Variants in MYO16 observed in about 807,000 individuals in gnomAD.
MYO16 encodes the protein unconventional myosin-XVI.
In MYO16, 94 loss-of-function variants were observed where a neutral mutation model predicts 205.3. That is an observed-to-expected ratio of 0.46 (90% CI 0.39 to 0.54). The LOEUF is 0.54. Among genes scored for constraint, MYO16 ranks in the 20% least tolerant of loss-of-function variants. MYO16 has a pLI of 0.00. For missense variants in MYO16, 2,315 were observed against 2,387.5 expected (o/e 0.97, Z 0.63); for synonymous variants, 988 against 954.0 (o/e 1.04, Z -0.66).
intron 23 of MYO16, among the ~76,000 whole-genome samples, chr13:109,040,416 A>AGAGAGAGAGAG (rs375579978): frequency 1.1e-4 from 16 of 149,680 alleles, no homozygotes; most frequent in South Asian, 2.1e-4. Context: ...AGAGAGAGAG[A>AGAGAGAGAGAG]AAATTAAAAA....
At chr13:108,766,554 T>C (rs919441078) in intron 4 of MYO16, among the ~76,000 whole-genome samples, 1 of 152,218 alleles carries the variant, frequency 6.6e-6, no homozygotes, top group Non-Finnish European at 1.5e-5. Flanking sequence ...GCTTTTGGAA[T>C]GACCCTTATA....
At chr13:108,536,308 G>T in the MYO16 span, among the ~76,000 whole-genome samples, 1 of 152,098 alleles carries the variant, frequency 6.6e-6, no homozygotes, top group Non-Finnish European at 1.5e-5. Context: ...ATTTAGTTTT[G>T]CAGTGACTAC....
chr13:108,858,408 C>T (rs1878299751), intron 11 of MYO16, among the ~76,000 whole-genome samples: 1 of 152,280 alleles, frequency 6.6e-6, no homozygotes, highest in East Asian at 1.9e-4. Context: ...GTCATTTGAG[C>T]TCTTCCAACC....
intron 4 of MYO16, among the ~76,000 whole-genome samples, chr13:108,746,186 C>G (rs2139624038): frequency 6.6e-6 from 1 of 151,910 alleles, no homozygotes; most frequent in South Asian, 2.1e-4. Flanking sequence ...GAGCGAGACT[C>G]CATCTCAAAG....
chr13:109,173,681 G>A (rs758326497), intron 33 of MYO16, among the ~76,000 whole-genome samples: 45 of 151,938 alleles, frequency 3.0e-4, no homozygotes, highest in Non-Finnish European at 5.6e-4. Context: ...GGATTACAAG[G>A]TCAGGCGATC....
the MYO16 span, among the ~76,000 whole-genome samples, chr13:108,537,883 G>C: frequency 1.4e-4 from 22 of 151,840 alleles, no homozygotes. Flanking sequence ...TTGTTGAGTT[G>C]TTTAAATTCT....
chr13:108,653,756 T>C (rs1881115781), intron 1 of MYO16, among the ~76,000 whole-genome samples: 1 of 151,418 alleles, frequency 6.6e-6, no homozygotes, highest in Non-Finnish European at 1.5e-5. Flanking sequence ...TATATGCTTA[T>C]ATGCACACAC....
chr13:109,165,958 C>T (rs1258649884), intron 33 of MYO16, among the ~76,000 whole-genome samples: 1 of 152,142 alleles, frequency 6.6e-6, no homozygotes. Flanking sequence ...GTAACCAGGC[C>T]TACAGGTACC....
chr13:108,844,580 C>A, intron 10 of MYO16, 87 bp downstream of exon 10: 2 of 1,327,112 alleles, frequency 1.5e-6, no homozygotes, highest in Middle Eastern at 2.0e-4. Context: ...AAAACAAATG[C>A]GCACTAATTT....
At chr13:108,820,479 A>G in intron 8 of MYO16, 67 bp downstream of exon 8, 1 of 1,299,296 alleles carries the variant, frequency 7.7e-7, no homozygotes, top group Non-Finnish European at 1.1e-6. Context: ...TGGAGTAGCC[A>G]TCCATCTTCA....
At chr13:109,161,498 A>C (rs1878382734) in intron 32 of MYO16, among the ~76,000 whole-genome samples, 1 of 152,198 alleles carries the variant, frequency 6.6e-6, no homozygotes. Flanking sequence ...ACAACTCTCC[A>C]GAATTGTCAT....
At position 108,898,122 on chromosome 13, in the gene MYO16, A is replaced by G; in HGVS notation, c.1766A>G (p.Gln589Arg). 1 of 1,609,056 alleles carries G rather than the reference A, an allele frequency of 6.2e-7. No individual in the cohort carries two copies. The change falls in exon 15 of 35, where the codon CAG (glutamine) becomes CGG (arginine). Residue 589 changes from glutamine (Q) to arginine (R), a missense_variant. By Grantham distance (43) the Gln-to-Arg change is conservative. Around this residue, in one of 3 missense-constraint regions of MYO16, gnomAD observed 1,213 missense variants for 1,274.4 expected, o/e 0.95. Transcript: ENST00000457511. Reference protein sequence around the residue: ...FELQFCERKQQLTGARIYTYL... With the variant: ...FELQFCERKQRLTGARIYTYL... ...CTGCAGTTCTGTGAGAGGAAACAAC[A>G]GCTAACCGGAGGTAAGTGCAGTATT...
chr13:109,135,617 G>A (rs1448196462), intron 31 of MYO16, among the ~76,000 whole-genome samples: 1 of 152,198 alleles, frequency 6.6e-6, no homozygotes, highest in Non-Finnish European at 1.5e-5. Context: ...CTCTTGTTCA[G>A]CTTCTGGAGC....
chr13:108,958,389 A>G (rs1883462701), intron 17 of MYO16, among the ~76,000 whole-genome samples: 1 of 151,948 alleles, frequency 6.6e-6, no homozygotes, highest in African/African-American at 2.4e-5. Context: ...ACCTTGTTAA[A>G]ACATCTTCTT....
chr13:108,702,714 TAA>T (rs569502927), intron 2 of MYO16, among the ~76,000 whole-genome samples: 201 of 152,252 alleles, frequency 1.3e-3, no homozygotes, highest in East Asian at 7.3e-3. Context: ...TAAATGAATA[TAA>T]GTCTGTTATA....
the MYO16 span, among the ~76,000 whole-genome samples, chr13:108,527,082 G>T: frequency 6.6e-6 from 1 of 152,150 alleles, no homozygotes; most frequent in Admixed American, 6.5e-5. Flanking sequence ...GAGGTTGGTG[G>T]ATAAAATCAA....
chr13:108,964,702 T>C, intron 19 of MYO16, 59 bp from the exon 20 acceptor site: 1 of 1,572,282 alleles, frequency 6.4e-7, no homozygotes, highest in Non-Finnish European at 8.7e-7. Flanking sequence ...GGAGTTTTGG[T>C]TGGCTTCTAA....
chr13:108,926,299 T>C (rs565016672), intron 16 of MYO16, among the ~76,000 whole-genome samples: 4 of 152,340 alleles, frequency 2.6e-5, no homozygotes, highest in Non-Finnish European at 4.4e-5. Flanking sequence ...TATCTCCGAT[T>C]CAAAGAGTAG....
At chr13:109,032,706 C>G (rs896262821) in intron 23 of MYO16, among the ~76,000 whole-genome samples, 1 of 152,188 alleles carries the variant, frequency 6.6e-6, no homozygotes, top group African/African-American at 2.4e-5. Context: ...AATACCACTA[C>G]TGACAGACAC....
Sources: gnomAD v4.1 joint callset for allele counts (sites outside exome capture counted in the v4.1 genomes callset) on GRCh38, gnomAD v4.1.1 for gene constraint, gnomAD v4.1.1 regional missense constraint, MANE v1.5 for transcripts, NCBI Gene and HGNC (gene_info 2026-07-23, HGNC 2026-07-21) for gene names.